Variants in TNS3 observed in about 807,000 individuals in gnomAD.
TNS3 encodes the protein tensin 3.
A neutral mutation model predicts 140.9 loss-of-function variants in TNS3; 45 were observed. That is an observed-to-expected ratio of 0.32 (90% CI 0.25 to 0.41). The LOEUF (loss-of-function observed/expected upper bound fraction) is 0.41. Among genes scored for constraint, TNS3 ranks in the 10% least tolerant of loss-of-function variants. The probability of loss-of-function intolerance (pLI) is 1.00; values close to 1 mark genes in which losing one functional copy is unlikely to be tolerated. For synonymous variants in TNS3, 815 were observed against 788.4 expected (o/e 1.03, Z -0.56); for missense variants, 1,716 against 1,906.7 (o/e 0.90, Z 1.86).
rs185881055 is a variant in TNS3 at position 47,379,159 on chromosome 7, G to A, written c.1025-9538C>T. 5.8e-3 allele frequency among the ~76,000 whole-genome samples: 877 copies of A among 152,262 alleles called. 5 individuals are homozygous for A. Among genetic ancestry groups the A allele is most frequent in the South Asian group, 0.032 (155 of 4,828 alleles). Reference sequence around the variant, plus strand: ...CGAGGAGGGGAGGTACGGGTAGCCCGGGCAGTGTCCCAAGGGTACCTGATC... The same window carrying A: ...CGAGGAGGGGAGGTACGGGTAGCCCAGGCAGTGTCCCAAGGGTACCTGATC... On this transcript the variant is annotated intron_variant, in intron 16 of 30. Transcript: ENST00000311160.
At chr7:47,366,927 C>T (rs925002188) in intron 17 of TNS3, among the ~76,000 whole-genome samples, 1 of 152,254 alleles carries the variant, frequency 6.6e-6, no homozygotes, top group Non-Finnish European at 1.5e-5. Context: ...CGGCGTCACA[C>T]AGCCATGTCC....
rs1007353768 is a variant in TNS3 at position 47,293,937 on chromosome 7, T to C, written c.3677-109A>G. 3.0e-5 allele frequency: 29 copies of C among 963,460 alleles called. 1 individual carries two copies. The highest frequency in any genetic ancestry group is 4.5e-5 in the Non-Finnish European group (28 of 624,244). 59.7% of individuals were successfully genotyped at this position (963,460 alleles called of 1,614,324 possible). On this transcript the variant is annotated intron_variant, in intron 24 of 30. Transcript: ENST00000311160. The stretch of plus-strand genomic sequence containing the variant: ...AGCTACAGTTGAAAAGGCTCTTCTC[T>C]GAATACGAGTCCAGTCACTGCAAAA...
intron 16 of TNS3, among the ~76,000 whole-genome samples, chr7:47,381,537 C>A: frequency 6.6e-6 from 1 of 152,154 alleles, no homozygotes; most frequent in African/African-American, 2.4e-5. Flanking sequence ...AGCAAAAGCC[C>A]GTTCTGATGC....
chr7:47,483,873 G>A (rs1373402115), intron 3 of TNS3, among the ~76,000 whole-genome samples: 5 of 152,228 alleles, frequency 3.3e-5, no homozygotes, highest in South Asian at 2.1e-4. Context: ...CACTTGTGCT[G>A]CACATTTTCA....
At chr7:47,524,426 G>A (rs1045425581) in intron 2 of TNS3, among the ~76,000 whole-genome samples, 2 of 152,160 alleles carry the variant, frequency 1.3e-5, no homozygotes, top group East Asian at 1.9e-4. Context: ...CCAGAGCCAC[G>A]AACAGGGACA....
At chr7:47,409,203 G>A (rs1015516081) in intron 13 of TNS3, among the ~76,000 whole-genome samples, 1 of 152,072 alleles carries the variant, frequency 6.6e-6, no homozygotes, top group Non-Finnish European at 1.5e-5. Flanking sequence ...GGGGAGAAGA[G>A]AAGGAAGGAG....
At chr7:47,369,772 A>C in intron 16 of TNS3, 151 bp from the exon 17 acceptor site, 1 of 918,808 alleles carries the variant, frequency 1.1e-6, no homozygotes, top group Non-Finnish European at 1.6e-6. Flanking sequence ...CTAACATCAC[A>C]AAGTTCTATA....
At chr7:47,516,668 G>A (rs1281846731) in intron 2 of TNS3, among the ~76,000 whole-genome samples, 5 of 152,334 alleles carry the variant, frequency 3.3e-5, no homozygotes, top group East Asian at 1.9e-4. Flanking sequence ...GCGGCAGCAC[G>A]TAAGGAGATG....
Position 47,481,161 on chromosome 7 carries a change from CA to C in TNS3, c.-114-21del. ...CACCACCTTTCAAAGAGAGAAGAAA[CA>C]GATAAGCAAATGGATTCTCCAGGAA... On this transcript the variant is annotated intron_variant, in intron 3 of 30. Transcript: ENST00000311160. 7.8e-7 allele frequency: 1 copy of C among 1,289,510 alleles called. No individual in the cohort carries two copies. Among genetic ancestry groups the C allele is most frequent in the Non-Finnish European group, 1.0e-6 (1 of 988,744 alleles). The allele number at this position is 1,289,510 out of a possible 1,614,324, so 79.9% of individuals were successfully genotyped here.
intron 16 of TNS3, among the ~76,000 whole-genome samples, chr7:47,377,171 C>T (rs1055817108): frequency 1.3e-5 from 2 of 152,206 alleles, no homozygotes; most frequent in African/African-American, 4.8e-5. Flanking sequence ...CAAACAGTCC[C>T]AATAAGTGGA....
At chr7:47,291,267 T>C (rs377057411) in intron 27 of TNS3, among the ~76,000 whole-genome samples, 1 of 152,208 alleles carries the variant, frequency 6.6e-6, no homozygotes, top group Non-Finnish European at 1.5e-5. Context: ...CCTGTCATTA[T>C]GCATTTGTCC....
chr7:47,536,038 A>T (rs915705421), intron 1 of TNS3, among the ~76,000 whole-genome samples: 2 of 152,232 alleles, frequency 1.3e-5, no homozygotes, highest in African/African-American at 2.4e-5. Context: ...GATGTTAAAC[A>T]GCCAGGAACA....
At chr7:47,494,540 C>G (rs530302656) in intron 3 of TNS3, among the ~76,000 whole-genome samples, 2 of 152,298 alleles carry the variant, frequency 1.3e-5, no homozygotes, top group East Asian at 3.9e-4. Flanking sequence ...ACCTTCTGAA[C>G]AGGGGGCAGT....
At position 47,439,637 on chromosome 7, in the gene TNS3, G is replaced by T. The variant is rs982855209; in HGVS notation, c.-1C>A. ...GGTCCAGCCCATGGCCCTCCTCCAT[G>T]GTGGGACTCAGGATGACGGGCCTGC... On this transcript the variant is annotated 5_prime_UTR_variant, in exon 6 of 31. Transcript: ENST00000311160. 3.0e-5 allele frequency: 49 copies of T among 1,614,064 alleles called. 1 individual carries two copies. The Admixed American group carries it at 6.0e-4, about 20-fold the overall frequency.
intron 16 of TNS3, among the ~76,000 whole-genome samples, chr7:47,389,104 G>GAAGAAGAAGAAGAAGAA (rs1562675556): frequency 3.3e-5 from 1 of 29,980 alleles, no homozygotes; most frequent in African/African-American, 2.0e-4. Flanking sequence ...AAGAGGAAGC[G>GAAGAAGAAGAAGAAGAA]GAAGCAGAAG....
At chr7:47,546,942 C>G (rs1799936967) in intron 1 of TNS3, among the ~76,000 whole-genome samples, 1 of 152,224 alleles carries the variant, frequency 6.6e-6, no homozygotes, top group South Asian at 2.1e-4. Context: ...TAAGGTCACC[C>G]CCTTGACTAC....
At chr7:47,318,111 C>G (rs879341057) in intron 20 of TNS3, among the ~76,000 whole-genome samples, 8 of 152,160 alleles carry the variant, frequency 5.3e-5, no homozygotes, top group Non-Finnish European at 8.8e-5. Flanking sequence ...CACCCAAGTC[C>G]CCACCATCCC....
chr7:47,298,816 T>C (rs1786207752), intron 23 of TNS3, among the ~76,000 whole-genome samples: 2 of 152,252 alleles, frequency 1.3e-5, no homozygotes, highest in African/African-American at 4.8e-5. Flanking sequence ...CATTTTTCAA[T>C]GTCTGCACCG....
chr7:47,349,543 G>A (rs1056656881), intron 17 of TNS3, among the ~76,000 whole-genome samples: 8 of 152,244 alleles, frequency 5.3e-5, no homozygotes, highest in Non-Finnish European at 1.0e-4. Context: ...CAGGGCCACC[G>A]GGCCCTGGAT....
Sources: gnomAD v4.1 joint callset for allele counts (sites outside exome capture counted in the v4.1 genomes callset) on GRCh38, gnomAD v4.1.1 for gene constraint, MANE v1.5 for transcripts, NCBI Gene and HGNC (gene_info 2026-07-23, HGNC 2026-07-21) for gene names.